RNF152: variants seen among roughly 807,000 people sequenced by gnomAD.
RNF152 encodes ring finger protein 152, also known as E3 ubiquitin-protein ligase RNF152.
RNF152 carries 11 observed loss-of-function variants against 12.7 expected under a neutral mutation model. The observed-to-expected ratio is 0.86, with a 90% CI of 0.54 to 1.43. The LOEUF (loss-of-function observed/expected upper bound fraction) is 1.43. RNF152 is among the 40% of genes most tolerant of loss of function. RNF152 has a pLI of 0.00. For synonymous variants in RNF152, 113 were observed against 120.3 expected (o/e 0.94, Z 0.40); for missense variants, 255 against 274.8 (o/e 0.93, Z 0.51).
chr18:61,816,622 C>T, intron 1 of RNF152, 24 bp from the exon 2 acceptor site: 1 of 699,434 alleles, frequency 1.4e-6, no homozygotes, highest in East Asian at 2.7e-5. Context: ...ATAATGCAAA[C>T]AATCTTAATT....
At chr18:61,839,911 G>GA (rs1910376728) in intron 1 of RNF152, among the ~76,000 whole-genome samples, 2 of 152,110 alleles carry the variant, frequency 1.3e-5, no homozygotes, top group African/African-American at 2.4e-5. Flanking sequence ...TTTGTGACAG[G>GA]AAAAAATATT....
In RNF152 at chr18:61,816,131, C is replaced by T. The variant is rs1240192797; in HGVS notation, c.333G>A (p.Ala111=). The T allele has an allele frequency of 1.2e-5, 20 of 1,614,070 alleles. No homozygotes were observed. Among genetic ancestry groups the T allele is most frequent in the South Asian group, 2.2e-5 (2 of 91,088 alleles). Residue 111 remains alanine (A), a synonymous_variant, in exon 2 of 2, where the codon GCG becomes GCA. Coordinates refer to ENST00000312828, the MANE Select transcript of RNF152 (RefSeq NM_173557.3). The part of the protein sequence containing the change: ...MLPLPISKER[A]LLPGDMGCRL... ...GGCAGCCCATGTCTCCGGGCAGCAG[C>T]GCACGCTCCTTGGAGATGGGCAGGG... is the stretch of plus-strand genomic sequence containing the variant.
intron 1 of RNF152, among the ~76,000 whole-genome samples, chr18:61,820,184 C>T (rs1450690491): frequency 6.6e-6 from 1 of 150,910 alleles, no homozygotes; most frequent in Non-Finnish European, 1.5e-5. Flanking sequence ...AAAAAATTAG[C>T]CAGGCATGGT....
rs1028292467 is a variant in RNF152, at chr18:61,813,436, T to G, written c.*2416A>C. 3 of 152,162 alleles carry G rather than the reference T, an allele frequency of 2.0e-5. No homozygotes were observed. The highest frequency in any genetic ancestry group is 6.5e-5 in the Admixed American group (1 of 15,280). 9.4% of individuals were successfully genotyped at this position (152,162 alleles called of 1,614,324 possible). A position where few individuals can be genotyped will look rare whatever the true frequency, so the allele number is the denominator to read the frequency against. On this transcript the variant is annotated 3_prime_UTR_variant, in exon 2 of 2. Coordinates refer to ENST00000312828, the MANE Select transcript of RNF152 (RefSeq NM_173557.3). ...CTCACAAAAAAAATCTGATTTTGGTTGTTGTTGTTAAATTTAAGGTCAAGA... is the reference window on the plus strand; with the variant it reads ...CTCACAAAAAAAATCTGATTTTGGTGGTTGTTGTTAAATTTAAGGTCAAGA...
chr18:61,840,777 C>T (rs1270314460), intron 1 of RNF152, among the ~76,000 whole-genome samples: 1 of 152,174 alleles, frequency 6.6e-6, no homozygotes, highest in African/African-American at 2.4e-5. Context: ...TCTTTCCCTA[C>T]ATTAATCTCT....
At chr18:61,868,330 G>C (rs892616028) in intron 1 of RNF152, among the ~76,000 whole-genome samples, 1 of 152,160 alleles carries the variant, frequency 6.6e-6, no homozygotes, top group African/African-American at 2.4e-5. Flanking sequence ...TCAGTTCAGA[G>C]ACCACAGGAC....
intron 1 of RNF152, among the ~76,000 whole-genome samples, chr18:61,861,481 C>A (rs28790659): frequency 0.34 from 52,154 of 152,028 alleles, 9,495 homozygotes; most frequent in Middle Eastern, 0.45. Flanking sequence ...AGTGTACTCA[C>A]TCCATAATGT....
chr18:61,866,297 G>A (rs1911723478), intron 1 of RNF152, among the ~76,000 whole-genome samples: 1 of 152,118 alleles, frequency 6.6e-6, no homozygotes, highest in Middle Eastern at 3.2e-3. Flanking sequence ...CCCACCAGAT[G>A]CCTTATACAC....
At chr18:61,877,201 G>A (rs548711785) in intron 1 of RNF152, among the ~76,000 whole-genome samples, 92 of 152,290 alleles carry the variant, frequency 6.0e-4, no homozygotes, top group African/African-American at 2.1e-3. Flanking sequence ...TTTGACTTAC[G>A]TATTTTGGTC....
At chr18:61,868,233 T>C (rs1165480117) in intron 1 of RNF152, among the ~76,000 whole-genome samples, 1 of 152,218 alleles carries the variant, frequency 6.6e-6, no homozygotes, top group Non-Finnish European at 1.5e-5. Flanking sequence ...TTCAGGGATG[T>C]TTAAAAGCAT....
At chr18:61,833,668 A>G (rs1910053186) in intron 1 of RNF152, among the ~76,000 whole-genome samples, 1 of 152,250 alleles carries the variant, frequency 6.6e-6, no homozygotes, top group African/African-American at 2.4e-5. Context: ...GGGAAACATT[A>G]CAAGAGCTCT....
At chr18:61,829,254 C>G (rs74317463) in intron 1 of RNF152, among the ~76,000 whole-genome samples, 7,338 of 152,218 alleles carry the variant, frequency 0.048, 231 homozygotes, top group Non-Finnish European at 0.068. Flanking sequence ...ACAGCCTGGA[C>G]GACTGGCCTG....
At chr18:61,871,534 G>A (rs984913369) in intron 1 of RNF152, among the ~76,000 whole-genome samples, 4 of 152,138 alleles carry the variant, frequency 2.6e-5, no homozygotes, top group African/African-American at 9.7e-5. Flanking sequence ...ATAAACAGAA[G>A]GGTTACTGCC....
At chr18:61,857,834 G>A (rs539275684) in intron 1 of RNF152, among the ~76,000 whole-genome samples, 4 of 152,106 alleles carry the variant, frequency 2.6e-5, no homozygotes, top group African/African-American at 4.8e-5. Context: ...TGTCATTGGC[G>A]TGTATAAACA....
chr18:61,850,413 A>C (rs1266840534), intron 1 of RNF152, among the ~76,000 whole-genome samples: 1 of 152,158 alleles, frequency 6.6e-6, no homozygotes, highest in Admixed American at 6.6e-5. Flanking sequence ...GACAAAACAA[A>C]ATTTCTTTGA....
intron 1 of RNF152, among the ~76,000 whole-genome samples, chr18:61,868,855 G>A (rs181354640): frequency 3.6e-4 from 55 of 152,300 alleles, no homozygotes; most frequent in Middle Eastern, 6.8e-3. Context: ...GTCAAGTCAG[G>A]AGCAGGCATT....
chr18:61,856,778 T>G (rs1911242102), intron 1 of RNF152, among the ~76,000 whole-genome samples: 1 of 152,146 alleles, frequency 6.6e-6, no homozygotes, highest in Non-Finnish European at 1.5e-5. Flanking sequence ...GGGGATTCAG[T>G]TCCCCGAACA....
At chr18:61,830,607 T>A (rs542027006) in intron 1 of RNF152, among the ~76,000 whole-genome samples, 1 of 152,306 alleles carries the variant, frequency 6.6e-6, no homozygotes, top group East Asian at 1.9e-4. Context: ...CAATTGTGTA[T>A]TATTTTTTCT....
chr18:61,869,370 C>A (rs967952581), intron 1 of RNF152, among the ~76,000 whole-genome samples: 1 of 152,150 alleles, frequency 6.6e-6, no homozygotes, highest in African/African-American at 2.4e-5. Flanking sequence ...ATAAAAACAA[C>A]CCCTACTTCC....
Sources: allele counts gnomAD v4.1 joint callset (sites outside exome capture counted in the v4.1 genomes callset), GRCh38; gene constraint gnomAD v4.1.1; transcripts MANE v1.5; gene names NCBI Gene and HGNC (gene_info 2026-07-23, HGNC 2026-07-21).